SMIM14: variants seen among roughly 807,000 people sequenced by gnomAD.
SMIM14 encodes chromosome 4 open reading frame 34.
A neutral mutation model predicts 12.6 loss-of-function variants in SMIM14; 5 were observed. The observed-to-expected ratio is 0.40, with a 90% confidence interval of 0.21 to 0.83. The LOEUF is 0.83. SMIM14 is among the 40% of genes least tolerant of loss of function. SMIM14 has a pLI of 0.37. For missense variants in SMIM14, 86 were observed against 119.1 expected (o/e 0.72, Z 1.29); for synonymous variants, 30 against 40.1 (o/e 0.75, Z 0.95).
chr4:39,614,424 C>T (rs1560304859), intron 1 of SMIM14, among the ~76,000 whole-genome samples: 1 of 151,586 alleles, frequency 6.6e-6, no homozygotes, highest in East Asian at 2.0e-4. Flanking sequence ...CAGGTTCAAG[C>T]GATTCTCCTG....
intron 3 of SMIM14, among the ~76,000 whole-genome samples, chr4:39,565,403 G>A (rs1218526204): frequency 6.6e-6 from 1 of 152,182 alleles, no homozygotes; most frequent in Non-Finnish European, 1.5e-5. Context: ...TACAGTCACT[G>A]CAGCCTCAAC....
intron 2 of SMIM14, among the ~76,000 whole-genome samples, chr4:39,602,897 C>G (rs553035310): frequency 6.6e-6 from 1 of 152,260 alleles, no homozygotes; most frequent in Admixed American, 6.5e-5. Flanking sequence ...TAGTTATTGA[C>G]AACTTAAATA....
intron 1 of SMIM14, among the ~76,000 whole-genome samples, chr4:39,634,983 A>G (rs1716037838): frequency 1.3e-5 from 2 of 152,256 alleles, no homozygotes; most frequent in African/African-American, 4.8e-5. Context: ...CTTAATTTCC[A>G]GGGTAGGAGA....
intron 1 of SMIM14, among the ~76,000 whole-genome samples, chr4:39,620,142 A>G (rs1715425950): frequency 6.6e-6 from 1 of 150,448 alleles, no homozygotes; most frequent in Non-Finnish European, 1.5e-5. Context: ...AGAGTTCAAG[A>G]CTGGTCTGGG....
intron 3 of SMIM14, among the ~76,000 whole-genome samples, chr4:39,561,268 G>C (rs563401629): frequency 2.6e-5 from 4 of 152,282 alleles, no homozygotes; most frequent in African/African-American, 9.6e-5. Flanking sequence ...CAAATTTTCA[G>C]ATTAGGGATA....
At position 39,560,884 on chromosome 4, in the gene SMIM14, T is replaced by TC. The variant is rs1306263822; in HGVS notation, c.125-4315dup. On this transcript the variant is annotated intron_variant, in intron 3 of 4. Coordinates refer to ENST00000295958, the MANE Select transcript of SMIM14 (RefSeq NM_174921.3). ...TTCTTGCAATTTTTCCTCCTAAATA[T>TC]CACTTGTATCTGCCCACTTTTAGCT... is the stretch of plus-strand genomic sequence containing the variant. Among the ~76,000 whole-genome samples, 5 of 152,168 alleles carry TC rather than the reference T, an allele frequency of 3.3e-5. No homozygotes were observed. The East Asian group carries it at 9.7e-4, about 29-fold the overall frequency.
chr4:39,555,905 G>C (rs1443615467), intron 4 of SMIM14, among the ~76,000 whole-genome samples: 1 of 152,154 alleles, frequency 6.6e-6, no homozygotes, highest in African/African-American at 2.4e-5. Context: ...ATTGAGACTT[G>C]AGCAATATTG....
At chr4:39,598,409 G>A (rs1714462640) in intron 2 of SMIM14, among the ~76,000 whole-genome samples, 1 of 152,104 alleles carries the variant, frequency 6.6e-6, no homozygotes, top group South Asian at 2.1e-4. Flanking sequence ...ACTTTTAGCT[G>A]ATTGTTTTAC....
intron 2 of SMIM14, among the ~76,000 whole-genome samples, chr4:39,583,000 C>A (rs949868377): frequency 2.6e-5 from 4 of 151,996 alleles, no homozygotes; most frequent in Non-Finnish European, 4.4e-5. Flanking sequence ...CCATGTTGGC[C>A]AGGCTGGTTT....
In SMIM14 at chr4:39,638,843, T is replaced by G; in HGVS notation, c.-140A>C. 2.0e-6 allele frequency: 2 copies of G among 985,902 alleles called. No individual in the cohort carries two copies. The highest frequency in any genetic ancestry group is 9.4e-5 in the South Asian group (2 of 21,298). 61.1% of individuals were successfully genotyped at this position (985,902 alleles called of 1,614,324 possible). On this transcript the variant is annotated 5_prime_UTR_variant, in exon 1 of 5. Coordinates refer to ENST00000295958, the MANE Select transcript of SMIM14 (RefSeq NM_174921.3). ...AGAAGGCTGCGGCTGCTCCGGACGC[T>G]GCTGCCACTGCCGTTTCTGGCCGCC...
intron 2 of SMIM14, among the ~76,000 whole-genome samples, chr4:39,591,038 T>C (rs1282401258): frequency 6.6e-6 from 1 of 152,036 alleles, no homozygotes; most frequent in Non-Finnish European, 1.5e-5. Flanking sequence ...CCCCCTCAGA[T>C]TCCAAATCCA....
intron 1 of SMIM14, among the ~76,000 whole-genome samples, chr4:39,622,194 C>T (rs777297648): frequency 2.6e-5 from 4 of 151,172 alleles, no homozygotes; most frequent in Non-Finnish European, 5.9e-5. Context: ...CGCCATTCTC[C>T]TGCCTCAGCC....
intron 3 of SMIM14, among the ~76,000 whole-genome samples, chr4:39,562,903 C>A (rs1712386205): frequency 2.6e-5 from 4 of 151,922 alleles, no homozygotes; most frequent in Admixed American, 2.6e-4. Context: ...CTAAGCCTCG[C>A]AAAGTGCTAG....
intron 4 of SMIM14, among the ~76,000 whole-genome samples, chr4:39,555,239 C>CTT (rs1031656892): frequency 6.9e-6 from 1 of 145,060 alleles, no homozygotes; most frequent in Non-Finnish European, 1.5e-5. Flanking sequence ...AACAGAGGTT[C>CTT]TTTTTTTTTT....
At chr4:39,618,311 A>G (rs930694142) in intron 1 of SMIM14, among the ~76,000 whole-genome samples, 1 of 152,158 alleles carries the variant, frequency 6.6e-6, no homozygotes, top group Non-Finnish European at 1.5e-5. Flanking sequence ...CAGGCATGGG[A>G]AAAACGATGA....
At chr4:39,615,319 T>C (rs867506628) in intron 1 of SMIM14, among the ~76,000 whole-genome samples, 1 of 152,188 alleles carries the variant, frequency 6.6e-6, no homozygotes, top group Non-Finnish European at 1.5e-5. Flanking sequence ...TCTGTAAGTC[T>C]AAATTTATCC....
intron 1 of SMIM14, among the ~76,000 whole-genome samples, chr4:39,631,286 C>T (rs1014177241): frequency 6.7e-6 from 1 of 148,202 alleles, no homozygotes; most frequent in Non-Finnish European, 1.5e-5. Flanking sequence ...GAGCTGAGAT[C>T]GTGCCACTGC....
chr4:39,576,712 T>A (rs1441211480), intron 2 of SMIM14, among the ~76,000 whole-genome samples: 5 of 71,676 alleles, frequency 7.0e-5, no homozygotes, highest in African/African-American at 3.3e-4. Flanking sequence ...TTTTTTTTTT[T>A]TTTTTTTTTT....
At chr4:39,566,954 A>G (rs2109999216) in intron 3 of SMIM14, among the ~76,000 whole-genome samples, 1 of 151,866 alleles carries the variant, frequency 6.6e-6, no homozygotes, top group Non-Finnish European at 1.5e-5. Context: ...TGACAGTGTG[A>G]GACTCCATCT....
Sources: allele counts gnomAD v4.1 joint callset (sites outside exome capture counted in the v4.1 genomes callset), GRCh38; gene constraint gnomAD v4.1.1; transcripts MANE v1.5; gene names NCBI Gene and HGNC (gene_info 2026-07-23, HGNC 2026-07-21).